GRTP1: variants seen among roughly 807,000 people sequenced by gnomAD.
GRTP1 encodes growth hormone regulated TBC protein 1.
In GRTP1, 56 loss-of-function variants were observed where a neutral mutation model predicts 38.1. That is an observed-to-expected ratio of 1.47 (90% CI 1.19 to 1.84). The LOEUF is 1.84. GRTP1 is among the 40% of genes most tolerant of loss of function. The pLI, the probability that GRTP1 is intolerant of heterozygous loss-of-function variation, is 0.00. For missense variants in GRTP1, 506 were observed against 453.9 expected (o/e 1.11, Z -1.04); for synonymous variants, 217 against 189.5 (o/e 1.14, Z -1.19).
chr13:113,352,360 T>TTATA (rs143437113), intron 3 of GRTP1, among the ~76,000 whole-genome samples: 1 of 50,644 alleles, frequency 2.0e-5, no homozygotes, highest in African/African-American at 6.4e-5. Context: ...TATATATATT[T>TTATA]TATATATATA....
chr13:113,326,500 G>A (rs914600887), intron 5 of GRTP1, among the ~76,000 whole-genome samples: 5 of 149,816 alleles, frequency 3.3e-5, no homozygotes, highest in Admixed American at 1.4e-4. Context: ...CTGAAACCCC[G>A]TCTCTACTAA....
At chr13:113,345,888 C>T (rs188585275) in intron 4 of GRTP1, among the ~76,000 whole-genome samples, 53 of 152,148 alleles carry the variant, frequency 3.5e-4, no homozygotes, top group Admixed American at 8.5e-4. Flanking sequence ...CAGAAGATGA[C>T]GATGGAAGCT....
At position 113,355,415 on chromosome 13, in the gene GRTP1, C is replaced by A. The variant is rs760267772; in HGVS notation, c.248G>T (p.Gly83Val). 1.2e-6 allele frequency: 2 copies of A among 1,614,094 alleles called. No individual in the cohort carries two copies. Among genetic ancestry groups the A allele is most frequent in the Non-Finnish European group, 1.7e-6 (2 of 1,179,994 alleles). The change falls in exon 3 of 8, where the codon GGG becomes GTG. Residue 83 changes from glycine (G) to valine (V), a missense_variant. Transcript: ENST00000375431. ...ATTCTGGTCCATCTGCGCCTGGGCC[C>A]CACTCAGCACCATCCAGACGCGGGC... ...HRARVWMVLS[G>V]AQAQMDQNPG...
intron 3 of GRTP1, 81 bp from the exon 4 acceptor site, chr13:113,351,054 A>G (rs1044785132): frequency 1.9e-6 from 3 of 1,583,930 alleles, no homozygotes; most frequent in Middle Eastern, 3.4e-4. Flanking sequence ...GAGGGTGGCC[A>G]CCTGGGTTCC....
intron 7 of GRTP1, chr13:113,325,016 G>GA: frequency 2.9e-6 from 2 of 689,492 alleles, no homozygotes; most frequent in Non-Finnish European, 1.8e-6. Flanking sequence ...TTTTAGTAGA[G>GA]ACGGGGTTTC....
At chr13:113,339,579 T>C (rs1309625156) in intron 5 of GRTP1, 1 of 152,238 alleles carries the variant, frequency 6.6e-6, no homozygotes, top group Non-Finnish European at 1.5e-5. Context: ...TAAACAGTCT[T>C]TTTCCCATTA....
At chr13:113,354,801 ACAGGCGTGAGCCACCG>A (rs1388210578) in intron 3 of GRTP1, among the ~76,000 whole-genome samples, 1 of 152,218 alleles carries the variant, frequency 6.6e-6, no homozygotes, top group Non-Finnish European at 1.5e-5. Flanking sequence ...TGCTGGGATT[ACAGGCGTGAGCCACCG>A]CGCCCGGCCT....
chr13:113,331,304 G>GTGCA (rs985585721), intron 5 of GRTP1, among the ~76,000 whole-genome samples: 2 of 152,220 alleles, frequency 1.3e-5, no homozygotes, highest in Admixed American at 1.3e-4. Flanking sequence ...CAGAGACCAG[G>GTGCA]TGCATGACCT....
chr13:113,325,556 C>G lies in GRTP1; in HGVS notation c.921+105G>C, dbSNP rs760195423. The G allele has an allele frequency of 1.1e-5, 18 of 1,585,762 alleles. No homozygotes were observed. In the Admixed American group the frequency reaches 3.3e-4, roughly 29 times the overall value. On this transcript the variant is annotated intron_variant, in intron 7 of 7. Transcript: ENST00000375431. ...AGGCTCATCCTGTGCCCTATGCCCACTGGTGCCCGTCCTGTGCACCCTCCG... is the reference window on the plus strand; with the variant it reads ...AGGCTCATCCTGTGCCCTATGCCCAGTGGTGCCCGTCCTGTGCACCCTCCG...
chr13:113,351,132 C>T (rs1048432306), intron 3 of GRTP1, 159 bp from the exon 4 acceptor site: 1 of 355,922 alleles, frequency 2.8e-6, no homozygotes, highest in Admixed American at 6.5e-5. Flanking sequence ...GAGCGACAGG[C>T]TCACTGGGCC....
intron 2 of GRTP1, 148 bp from the exon 3 acceptor site, chr13:113,355,629 G>T: frequency 2.2e-6 from 2 of 924,050 alleles, no homozygotes; most frequent in Non-Finnish European, 3.1e-6. Flanking sequence ...CACCAAAACT[G>T]GTACATATAC....
rs1233861569 is a variant in GRTP1 at position 113,348,995 on chromosome 13, G to T, written c.465+1854C>A. 6.6e-6 allele frequency among the ~76,000 whole-genome samples: 1 copy of T among 152,216 alleles called. No individual in the cohort carries two copies. The highest frequency in any genetic ancestry group is 2.4e-5 in the African/African-American group (1 of 41,460). On this transcript the variant is annotated intron_variant, in intron 4 of 7. Coordinates refer to ENST00000375431, the MANE Select transcript of GRTP1 (RefSeq NM_024719.4). This position sits in a 1 kb window ranked among gnomAD's most constrained non-coding sequence, Gnocchi z 4.8. ...ATGTGCCTGTAGGTTCCAAAAGCCAGCTGTGCTCTGGCATTCTGTTAGTAT... is the reference window on the plus strand; with the variant it reads ...ATGTGCCTGTAGGTTCCAAAAGCCATCTGTGCTCTGGCATTCTGTTAGTAT...
rs1267800726 is a variant in GRTP1 at position 113,326,032 on chromosome 13, C to A, written c.622G>T (p.Val208Leu). ...CCCACAGCCGGCAGCTTCGCCCGCA[C>A]CAGCTCCCCGAGGACCTCCTGGTCG... ...KTDQEVLGEL[V>L]RAKLPAVGAL... The change falls in exon 6 of 8, where the codon GTG (valine) becomes TTG (leucine). Residue 208 changes from valine (V) to leucine (L), a missense_variant. Transcript: ENST00000375431. 6.2e-7 allele frequency: 1 copy of A among 1,613,454 alleles called. No homozygotes were observed. Among genetic ancestry groups the A allele is most frequent in the Non-Finnish European group, 8.5e-7 (1 of 1,179,976 alleles).
intron 3 of GRTP1, among the ~76,000 whole-genome samples, chr13:113,352,987 A>G (rs9603831): frequency 7.2e-6 from 1 of 138,476 alleles, no homozygotes; most frequent in African/African-American, 2.7e-5. Flanking sequence ...AGTCCACTCT[A>G]GGTAGGAGCC....
chr13:113,363,727 C>T, intron 2 of GRTP1, 35 bp downstream of exon 2: 1 of 1,586,528 alleles, frequency 6.3e-7, no homozygotes, highest in South Asian at 1.1e-5. Flanking sequence ...AACCCACCTG[C>T]GCCCTCGGGA....
At chr13:113,324,794 A>G in intron 7 of GRTP1, 1 of 1,289,374 alleles carries the variant, frequency 7.8e-7, no homozygotes, top group South Asian at 2.3e-5. Flanking sequence ...AAATGAATCA[A>G]ACGGTGGAAG....
At chr13:113,356,255 A>T (rs2043383117) in intron 2 of GRTP1, among the ~76,000 whole-genome samples, 3 of 152,038 alleles carry the variant, frequency 2.0e-5, no homozygotes, top group Non-Finnish European at 2.9e-5. Context: ...TACACTATAT[A>T]TATTTTATTT....
intron 3 of GRTP1, among the ~76,000 whole-genome samples, chr13:113,354,853 C>T (rs906952957): frequency 3.3e-5 from 5 of 152,044 alleles, no homozygotes; most frequent in Admixed American, 2.0e-4. Context: ...TGTTAGCACT[C>T]TGAACTTCTG....
chr13:113,363,675 T>C, intron 2 of GRTP1, 87 bp downstream of exon 2: 2 of 1,365,262 alleles, frequency 1.5e-6, no homozygotes, highest in East Asian at 2.5e-5. Flanking sequence ...TCCCCCTCCC[T>C]CCGCTCCGGG....
Sources: allele counts gnomAD v4.1 joint callset (sites outside exome capture counted in the v4.1 genomes callset), GRCh38; gene constraint gnomAD v4.1.1; non-coding constraint Gnocchi (gnomAD v3.1); transcripts MANE v1.5; gene names NCBI Gene and HGNC (gene_info 2026-07-23, HGNC 2026-07-21).